Variants in INSYN2B observed in about 807,000 individuals in gnomAD.
INSYN2B encodes inhibitory synaptic factor family member 2B.
A neutral mutation model predicts 41.2 loss-of-function variants in INSYN2B; 16 were observed. The ratio of observed to expected loss-of-function variants is 0.39; its 90% CI spans 0.26 to 0.59. The LOEUF (loss-of-function observed/expected upper bound fraction) is 0.59. INSYN2B is among the 20% of genes least tolerant of loss of function. INSYN2B has a pLI of 0.57. For missense variants in INSYN2B, 608 were observed against 646.4 expected, an observed-to-expected ratio of 0.94 and a Z score of 0.64; for synonymous variants, 245 against 244.4, an observed-to-expected ratio of 1.00 and a Z score of -0.02.
chr5:169,970,859 T>A (rs1296368731), intron 1 of INSYN2B, among the ~76,000 whole-genome samples: 2 of 152,176 alleles, frequency 1.3e-5, no homozygotes, highest in Non-Finnish European at 2.9e-5. Flanking sequence ...CATTTTTCAT[T>A]GTGTCAGTTG....
intron 1 of INSYN2B, among the ~76,000 whole-genome samples, chr5:169,940,624 A>T (rs1287333074): frequency 6.6e-6 from 1 of 152,314 alleles, no homozygotes; most frequent in African/African-American, 2.4e-5. Flanking sequence ...TAGGCATTAG[A>T]TTCTCATAAG....
intron 1 of INSYN2B, among the ~76,000 whole-genome samples, chr5:169,935,820 C>A (rs13153416): frequency 0.023 from 3,546 of 152,204 alleles, 63 homozygotes; most frequent in Non-Finnish European, 0.037. Context: ...TCTGGTAGAA[C>A]GAGACATTAT....
rs370107072 is a variant in INSYN2B at position 169,967,556 on chromosome 5, G to A, written c.-919+12721C>T. On this transcript the variant is annotated intron_variant, in intron 1 of 3. Coordinates refer to ENST00000377365, the MANE Select transcript of INSYN2B (RefSeq NM_001129891.3). The stretch of plus-strand genomic sequence containing the variant: ...AGGGAAGAGGGACCAGGTCATGCAG[G>A]GAACCGAACACCATGCTAAGAGGTT... Among the ~76,000 whole-genome samples, 4 of 152,112 alleles carry A rather than the reference G, an allele frequency of 2.6e-5. No homozygotes were observed. In the South Asian group the frequency reaches 8.3e-4, roughly 32 times the overall value.
rs191976409 is a variant in INSYN2B at position 169,927,696 on chromosome 5, A to C, written c.-918-42880T>G. ...CAGTGGCACAATCTTGGCTCACTGC[A>C]AGCTCCGCTTCCCGAGTTCATGCCA... is the stretch of plus-strand genomic sequence containing the variant. On this transcript the variant is annotated intron_variant, in intron 1 of 3. Transcript: ENST00000377365. Among the ~76,000 whole-genome samples the C allele has an allele frequency of 4.6e-3, 704 of 152,322 alleles. 4 individuals are homozygous for C. The highest frequency in any genetic ancestry group is 0.024 in the Middle Eastern group (7 of 294).
chr5:169,863,536 G>A lies in INSYN2B; in HGVS notation c.*737C>T, dbSNP rs1264219762. On this transcript the variant is annotated 3_prime_UTR_variant, in exon 4 of 4. Coordinates refer to ENST00000377365, the MANE Select transcript of INSYN2B (RefSeq NM_001129891.3). ...GAGAAGAAGCATGATGGTTTAGGGT[G>A]GGCCCTGGAACAGCTACAGCTGCTG... Among the ~76,000 whole-genome samples, 5 of 152,226 alleles carry A rather than the reference G, an allele frequency of 3.3e-5. No homozygotes were observed.
intron 3 of INSYN2B, among the ~76,000 whole-genome samples, chr5:169,871,807 A>G (rs950049234): frequency 2.0e-5 from 3 of 152,160 alleles, no homozygotes; most frequent in East Asian, 1.9e-4. Context: ...GGGACGCTTT[A>G]TGGACCAGCT....
Position 169,897,610 on chromosome 5 carries a change from C to T in INSYN2B, c.-918-12794G>A, listed in dbSNP as rs114758678. 5.4e-3 allele frequency among the ~76,000 whole-genome samples: 821 copies of T among 152,296 alleles called. 2 individuals carry two copies. Among genetic ancestry groups the T allele is most frequent in the Non-Finnish European group, 8.0e-3 (544 of 68,020 alleles). ...CCCTGTAATATTTCCAGAGACAGAA[C>T]CACAGCCCCATGGTTGAGAGCCTGG... On this transcript the variant is annotated intron_variant, in intron 1 of 3. Transcript: ENST00000377365.
intron 3 of INSYN2B, among the ~76,000 whole-genome samples, chr5:169,879,765 T>A (rs1257433758): frequency 6.6e-6 from 1 of 152,194 alleles, no homozygotes; most frequent in African/African-American, 2.4e-5. Context: ...GGCCATTTAA[T>A]TAAAGACCCT....
At chr5:169,935,817 G>A (rs1775966858) in intron 1 of INSYN2B, among the ~76,000 whole-genome samples, 1 of 152,164 alleles carries the variant, frequency 6.6e-6, no homozygotes, top group Admixed American at 6.5e-5. Flanking sequence ...ATTTCTGGTA[G>A]AACGAGACAT....
chr5:169,953,921 C>G (rs1776765687), intron 1 of INSYN2B, among the ~76,000 whole-genome samples: 1 of 152,176 alleles, frequency 6.6e-6, no homozygotes, highest in South Asian at 2.1e-4. Flanking sequence ...GTAACTACCT[C>G]AAGAATTGTC....
chr5:169,863,587 C>T lies in INSYN2B; in HGVS notation c.*686G>A, dbSNP rs1194448588. 1.3e-5 allele frequency among the ~76,000 whole-genome samples: 2 copies of T among 152,210 alleles called. No individual in the cohort carries two copies. Among genetic ancestry groups the T allele is most frequent in the East Asian group, 3.9e-4 (2 of 5,192 alleles). ...AAATCCTCTTTGAATTACACTTATC[C>T]AGCACAGCCACACCAACAAGTTTAT... On this transcript the variant is annotated 3_prime_UTR_variant, in exon 4 of 4. Coordinates refer to ENST00000377365, the MANE Select transcript of INSYN2B (RefSeq NM_001129891.3).
chr5:169,950,408 C>CT (rs2113723958), intron 1 of INSYN2B, among the ~76,000 whole-genome samples: 1 of 152,302 alleles, frequency 6.6e-6, no homozygotes, highest in African/African-American at 2.4e-5. Context: ...GCATAACAGT[C>CT]TTTTTGGACT....
intron 3 of INSYN2B, among the ~76,000 whole-genome samples, chr5:169,873,084 C>T (rs755178641): frequency 6.6e-6 from 1 of 152,154 alleles, no homozygotes; most frequent in Non-Finnish European, 1.5e-5. Flanking sequence ...ATATTCAACT[C>T]GTGTAATTTT....
rs1385772337 is a variant in INSYN2B, at chr5:169,862,720, T to G, written c.*1553A>C. ...TGCAAGCTGATATTCCTTGCCAAAT[T>G]TCCCTTTCATTCTCACTGAAATAGC... On this transcript the variant is annotated 3_prime_UTR_variant, in exon 4 of 4. Transcript: ENST00000377365. Among the ~76,000 whole-genome samples, 1 of 152,214 alleles carries G rather than the reference T, an allele frequency of 6.6e-6. No individual in the cohort carries two copies. The highest frequency in any genetic ancestry group is 2.4e-5 in the African/African-American group (1 of 41,456).
At chr5:169,971,122 C>T (rs1471569447) in intron 1 of INSYN2B, among the ~76,000 whole-genome samples, 1 of 150,872 alleles carries the variant, frequency 6.6e-6, no homozygotes, top group Non-Finnish European at 1.5e-5. Context: ...GCTACCATTC[C>T]AGAGGACAGG....
At position 169,881,354 on chromosome 5, in the gene INSYN2B, T is replaced by C. The variant is rs1415788485; in HGVS notation, c.1421+14A>G. 1.9e-6 allele frequency: 3 copies of C among 1,550,226 alleles called. No individual in the cohort carries two copies. The highest frequency in any genetic ancestry group is 2.0e-5 in the Admixed American group (1 of 50,972). On this transcript the variant is annotated intron_variant, in intron 3 of 3. Coordinates refer to ENST00000377365, the MANE Select transcript of INSYN2B (RefSeq NM_001129891.3). ...TTATGGTCTACAGAGCAGGCCTCGC[T>C]TGTGGCCAGGTACCTGTATATGATG... is the stretch of plus-strand genomic sequence containing the variant.
chr5:169,924,312 G>A (rs1775326710), intron 1 of INSYN2B, among the ~76,000 whole-genome samples: 1 of 152,084 alleles, frequency 6.6e-6, no homozygotes, highest in African/African-American at 2.4e-5. Context: ...AAAATAAATA[G>A]GAAGTCTCTG....
Position 169,949,126 on chromosome 5 carries a change from C to T in INSYN2B, c.-919+31151G>A, listed in dbSNP as rs370630869. 1.8e-3 allele frequency among the ~76,000 whole-genome samples: 272 copies of T among 152,302 alleles called. 6 individuals are homozygous for T. In the South Asian group the frequency reaches 0.048, roughly 27 times the overall value. On this transcript the variant is annotated intron_variant, in intron 1 of 3. Coordinates refer to ENST00000377365, the MANE Select transcript of INSYN2B (RefSeq NM_001129891.3). ...TAGCCCTGTATTCGAATTTCCTTGG[C>T]ATCTTTTTGAATATTCATGCAAAAG... is the stretch of plus-strand genomic sequence containing the variant.
At chr5:169,941,403 G>C (rs1776240978) in intron 1 of INSYN2B, among the ~76,000 whole-genome samples, 1 of 152,050 alleles carries the variant, frequency 6.6e-6, no homozygotes, top group South Asian at 2.1e-4. Context: ...GACTGAGTTG[G>C]TCAGGCTGGT....
Sources: gnomAD v4.1 joint callset for allele counts (sites outside exome capture counted in the v4.1 genomes callset) on GRCh38, gnomAD v4.1.1 for gene constraint, MANE v1.5 for transcripts, NCBI Gene and HGNC (gene_info 2026-07-23, HGNC 2026-07-21) for gene names.